Variants in LHFPL3 observed in about 807,000 individuals in gnomAD.
LHFPL3 encodes the protein LHFPL tetraspan subfamily member 3 protein.
A neutral mutation model predicts 19.3 loss-of-function variants in LHFPL3; 5 were observed. The ratio of observed to expected loss-of-function variants is 0.26; its 90% CI spans 0.14 to 0.54. LHFPL3 has a LOEUF of 0.54. Among genes scored for constraint, LHFPL3 ranks in the 20% least tolerant of loss-of-function variants. LHFPL3 has a pLI of 0.94. For missense variants in LHFPL3, 249 were observed against 307.4 expected (o/e 0.81, Z 1.42); for synonymous variants, 133 against 126.2 (o/e 1.05, Z -0.36).
intron 1 of LHFPL3, among the ~76,000 whole-genome samples, chr7:104,572,541 A>C (rs1183842545): frequency 6.6e-6 from 1 of 152,152 alleles, no homozygotes; most frequent in Non-Finnish European, 1.5e-5. Flanking sequence ...AATAATAGTC[A>C]ACAATTTTTA....
chr7:104,749,580 T>C (rs1794121602), intron 2 of LHFPL3, among the ~76,000 whole-genome samples: 1 of 152,292 alleles, frequency 6.6e-6, no homozygotes, highest in African/African-American at 2.4e-5. Context: ...TTTGGGATCA[T>C]GGCCGGAGAG....
At chr7:104,347,267 C>T (rs990838723) in intron 1 of LHFPL3, among the ~76,000 whole-genome samples, 1 of 151,658 alleles carries the variant, frequency 6.6e-6, no homozygotes, top group African/African-American at 2.4e-5. Flanking sequence ...AAAAAAAAAT[C>T]ATGCACATTT....
intron 1 of LHFPL3, among the ~76,000 whole-genome samples, chr7:104,616,166 G>T (rs1351963269): frequency 6.6e-6 from 1 of 152,086 alleles, no homozygotes; most frequent in Non-Finnish European, 1.5e-5. Flanking sequence ...TCAAAAAAGA[G>T]CCCATATAGC....
chr7:104,751,066 C>T (rs1190905287), intron 2 of LHFPL3, among the ~76,000 whole-genome samples: 3 of 125,562 alleles, frequency 2.4e-5, no homozygotes, highest in Non-Finnish European at 5.0e-5. Flanking sequence ...AATGTTCTAA[C>T]TTGTCCTCCT....
intron 1 of LHFPL3, among the ~76,000 whole-genome samples, chr7:104,405,202 C>G (rs1290966390): frequency 6.6e-6 from 1 of 151,954 alleles, no homozygotes; most frequent in Non-Finnish European, 1.5e-5. Context: ...ATTTTTGAGC[C>G]TAGCAAAACA....
chr7:104,490,521 C>A (rs1793322208), intron 1 of LHFPL3, among the ~76,000 whole-genome samples: 1 of 152,030 alleles, frequency 6.6e-6, no homozygotes, highest in Non-Finnish European at 1.5e-5. Flanking sequence ...AAAATCAACC[C>A]CTGAGTACCC....
chr7:104,712,813 C>T (rs1424927404), intron 1 of LHFPL3, among the ~76,000 whole-genome samples: 1 of 152,138 alleles, frequency 6.6e-6, no homozygotes, highest in Non-Finnish European at 1.5e-5. Context: ...ATAGCAGCAA[C>T]AGAAAATTAA....
At chr7:104,427,481 A>C (rs942084010) in intron 1 of LHFPL3, among the ~76,000 whole-genome samples, 7 of 152,350 alleles carry the variant, frequency 4.6e-5, no homozygotes, top group African/African-American at 1.7e-4. Context: ...TGCTAGTGTC[A>C]GATCTTCCCT....
At chr7:104,891,698 T>TTCTA (rs1375186277) in intron 2 of LHFPL3, among the ~76,000 whole-genome samples, 1 of 152,214 alleles carries the variant, frequency 6.6e-6, no homozygotes, top group Non-Finnish European at 1.5e-5. Context: ...CAGAAATCTG[T>TTCTA]TCTATCTGTG....
At position 104,824,610 on chromosome 7, in the gene LHFPL3, T is replaced by TTA. The variant is rs1426968127; in HGVS notation, c.683-81569_683-81568dup. 2.0e-3 allele frequency among the ~76,000 whole-genome samples: 156 copies of TTA among 76,684 alleles called. 3 individuals are homozygous for TTA. Among genetic ancestry groups the TTA allele is most frequent in the African/African-American group, 7.9e-3 (153 of 19,414 alleles). The allele number at this position is 76,684 out of a possible 152,430, so 50.3% of individuals were successfully genotyped here. The stretch of plus-strand genomic sequence containing the variant: ...ATATATAATTATATATTATATATAA[T>TTA]TATATATATTATTTTATATATATTA... On this transcript the variant is annotated intron_variant, in intron 2 of 2. Coordinates refer to ENST00000424859, the MANE Select transcript of LHFPL3 (RefSeq NM_199000.3).
At chr7:104,429,607 C>T (rs796604844) in intron 1 of LHFPL3, among the ~76,000 whole-genome samples, 8 of 152,102 alleles carry the variant, frequency 5.3e-5, no homozygotes, top group African/African-American at 1.9e-4. Flanking sequence ...TGAGCCACTG[C>T]ACCTGGCTTA....
At chr7:104,562,056 T>G (rs1391735758) in intron 1 of LHFPL3, among the ~76,000 whole-genome samples, 3 of 152,078 alleles carry the variant, frequency 2.0e-5, no homozygotes, top group African/African-American at 7.3e-5. Context: ...AGATCCGCTG[T>G]TAGTCTGATG....
chr7:104,415,365 G>A (rs1791601044), intron 1 of LHFPL3, among the ~76,000 whole-genome samples: 1 of 152,142 alleles, frequency 6.6e-6, no homozygotes, highest in Admixed American at 6.5e-5. Flanking sequence ...ATCAAAAAGT[G>A]TTACATGAAT....
At chr7:104,606,038 A>G (rs898803283) in intron 1 of LHFPL3, among the ~76,000 whole-genome samples, 2 of 152,034 alleles carry the variant, frequency 1.3e-5, no homozygotes, top group Non-Finnish European at 2.9e-5. Context: ...TTTTATTTTT[A>G]TTTTTGGAAA....
chr7:104,497,326 AAG>A (rs1554400911), intron 1 of LHFPL3, among the ~76,000 whole-genome samples: 7 of 151,418 alleles, frequency 4.6e-5, no homozygotes, highest in Admixed American at 6.6e-5. Context: ...AAAAAAAAAA[AAG>A]AAGAAGATTC....
chr7:104,490,083 C>A (rs947435926), intron 1 of LHFPL3, among the ~76,000 whole-genome samples: 6 of 152,094 alleles, frequency 3.9e-5, no homozygotes, highest in Admixed American at 1.3e-4. Flanking sequence ...ATCATTATGT[C>A]CTTGTTAGGC....
intron 1 of LHFPL3, among the ~76,000 whole-genome samples, chr7:104,580,842 C>G (rs960324327): frequency 2.6e-5 from 4 of 151,916 alleles, no homozygotes; most frequent in African/African-American, 9.7e-5. Context: ...TTTTTTAGAT[C>G]CATTCATGTT....
At chr7:104,761,634 C>G (rs1449197109) in intron 2 of LHFPL3, among the ~76,000 whole-genome samples, 1 of 152,154 alleles carries the variant, frequency 6.6e-6, no homozygotes, top group Admixed American at 6.5e-5. Flanking sequence ...CTAGAGTTCT[C>G]TCTCTTTACC....
chr7:104,525,497 A>G (rs1794168618), intron 1 of LHFPL3, among the ~76,000 whole-genome samples: 1 of 152,208 alleles, frequency 6.6e-6, no homozygotes, highest in African/African-American at 2.4e-5. Flanking sequence ...CTGCTGAGGT[A>G]ATTCACAAGA....
Sources: gnomAD v4.1 joint callset for allele counts (sites outside exome capture counted in the v4.1 genomes callset) on GRCh38, gnomAD v4.1.1 for gene constraint, MANE v1.5 for transcripts, NCBI Gene and HGNC (gene_info 2026-07-23, HGNC 2026-07-21) for gene names.